The following BBX variants were observed in gnomAD, a reference collection of about 807,000 sequenced individuals.
The protein encoded by BBX is BBX high mobility group box domain containing.
BBX carries 30 observed loss-of-function variants against 100.2 expected under a neutral mutation model. That is an observed-to-expected ratio of 0.30 (90% CI 0.22 to 0.41). The LOEUF is 0.41. Ranked by LOEUF, BBX falls within the 10% of genes least tolerant of loss-of-function variation. The pLI is 1.00. For missense variants in BBX, 1,023 were observed against 1,129.8 expected (o/e 0.91, Z 1.35); for synonymous variants, 376 against 388.1 (o/e 0.97, Z 0.37).
Position 107,544,529 on chromosome 3 carries a change from G to T in BBX, c.-84+18131G>T, listed in dbSNP as rs2049074275. Among the ~76,000 whole-genome samples the T allele has an allele frequency of 3.3e-5, 5 of 152,052 alleles. 1 individual carries two copies. The South Asian group carries it at 1.0e-3, about 32-fold the overall frequency. On this transcript the variant is annotated intron_variant, in intron 2 of 17. Coordinates refer to ENST00000325805, the MANE Select transcript of BBX (RefSeq NM_001142568.3). ...AACCTGTACATATTATATATTTATT[G>T]AATGTAAAATGCTAGTTATTTGTAA...
intron 2 of BBX, among the ~76,000 whole-genome samples, chr3:107,614,916 A>C (rs1385774603): frequency 6.6e-6 from 1 of 152,280 alleles, no homozygotes; most frequent in Admixed American, 6.5e-5. Flanking sequence ...GGAGTTTAGA[A>C]ATGAATGTGA....
chr3:107,798,078 A>G (rs2069939911), intron 15 of BBX, among the ~76,000 whole-genome samples: 1 of 152,230 alleles, frequency 6.6e-6, no homozygotes, highest in Non-Finnish European at 1.5e-5. Context: ...TGTCCCAACC[A>G]TAAATATAAA....
chr3:107,726,055 A>G (rs2107479517), intron 5 of BBX, among the ~76,000 whole-genome samples: 1 of 152,040 alleles, frequency 6.6e-6, no homozygotes, highest in Non-Finnish European at 1.5e-5. Context: ...AGGCCTTTTC[A>G]GTCCTGTAAT....
chr3:107,768,598 A>C (rs2066589504), intron 10 of BBX, among the ~76,000 whole-genome samples: 1 of 152,190 alleles, frequency 6.6e-6, no homozygotes, highest in Admixed American at 6.5e-5. Context: ...AAACTTAATA[A>C]GAAAAAATGG....
chr3:107,642,984 G>A (rs1402248913), intron 2 of BBX, among the ~76,000 whole-genome samples: 1 of 152,176 alleles, frequency 6.6e-6, no homozygotes, highest in Non-Finnish European at 1.5e-5. Context: ...ATATTCTTCT[G>A]TGTAAGTGGG....
intron 13 of BBX, among the ~76,000 whole-genome samples, chr3:107,782,307 A>AT (rs11393802): frequency 0.11 from 16,131 of 152,198 alleles, 1,065 homozygotes; most frequent in Middle Eastern, 0.16. Flanking sequence ...AAATTATTGC[A>AT]TAGGAATATA....
At chr3:107,692,325 C>G (rs1032582812) in intron 3 of BBX, among the ~76,000 whole-genome samples, 6 of 152,058 alleles carry the variant, frequency 3.9e-5, no homozygotes, top group Non-Finnish European at 7.4e-5. Flanking sequence ...ACGTATACCT[C>G]TCAATGCTAT....
chr3:107,719,518 C>G (rs890051684), intron 5 of BBX, among the ~76,000 whole-genome samples: 1 of 151,976 alleles, frequency 6.6e-6, no homozygotes, highest in Non-Finnish European at 1.5e-5. Context: ...AGACAAAGCA[C>G]CTGTTCTGGG....
At chr3:107,614,012 C>A (rs1203088789) in intron 2 of BBX, among the ~76,000 whole-genome samples, 2 of 123,410 alleles carry the variant, frequency 1.6e-5, no homozygotes, top group Non-Finnish European at 3.1e-5. Context: ...AGTGCAGTGG[C>A]GCAATCTCGG....
intron 5 of BBX, among the ~76,000 whole-genome samples, chr3:107,728,542 T>C (rs2063113453): frequency 6.6e-6 from 1 of 152,172 alleles, no homozygotes; most frequent in Non-Finnish European, 1.5e-5. Context: ...TAACACAAAG[T>C]ATACAGCTTC....
At chr3:107,789,690 C>T (rs995984704) in intron 13 of BBX, 97 bp from the exon 14 acceptor site, 22 of 856,326 alleles carry the variant, frequency 2.6e-5, no homozygotes, top group Non-Finnish European at 3.8e-5. Context: ...TTTGCTTATT[C>T]CACAGGAGGG....
At chr3:107,737,298 TAC>T (rs201660279) in intron 7 of BBX, among the ~76,000 whole-genome samples, 2,547 of 62,962 alleles carry the variant, frequency 0.04, 71 homozygotes, top group African/African-American at 0.13. Flanking sequence ...CATGCATACA[TAC>T]ACACAGAGAG....
chr3:107,642,092 C>G (rs934093145), intron 2 of BBX, among the ~76,000 whole-genome samples: 7 of 151,986 alleles, frequency 4.6e-5, no homozygotes, highest in Non-Finnish European at 8.8e-5. Context: ...ATTAATTGGC[C>G]AAAATTGCAT....
At chr3:107,641,852 A>G (rs1039820782) in intron 2 of BBX, 4 of 152,230 alleles carry the variant, frequency 2.6e-5, no homozygotes, top group African/African-American at 7.2e-5. Flanking sequence ...CTTCAACTGT[A>G]AAAGACAGAC....
At chr3:107,552,531 C>G (rs1214309952) in intron 2 of BBX, among the ~76,000 whole-genome samples, 1 of 151,914 alleles carries the variant, frequency 6.6e-6, no homozygotes, top group East Asian at 1.9e-4. Context: ...AAATAGGTAC[C>G]CCCACGAGCT....
intron 2 of BBX, among the ~76,000 whole-genome samples, chr3:107,543,873 A>G (rs1242429488): frequency 6.6e-6 from 1 of 152,214 alleles, no homozygotes; most frequent in Non-Finnish European, 1.5e-5. Context: ...TTAGTTGTGA[A>G]AGGGTCATTT....
At chr3:107,695,035 G>T (rs1184785331) in intron 3 of BBX, among the ~76,000 whole-genome samples, 1 of 149,340 alleles carries the variant, frequency 6.7e-6, no homozygotes, top group Non-Finnish European at 1.5e-5. Flanking sequence ...TGGGATCGGT[G>T]GTGATATCCC....
intron 2 of BBX, among the ~76,000 whole-genome samples, chr3:107,623,227 G>T (rs1436144782): frequency 6.6e-6 from 1 of 152,158 alleles, no homozygotes; most frequent in African/African-American, 2.4e-5. Context: ...GCAGTGGGAT[G>T]ATAAAGAGGA....
intron 3 of BBX, among the ~76,000 whole-genome samples, chr3:107,666,272 C>A (rs970974511): frequency 2.0e-5 from 3 of 152,178 alleles, no homozygotes; most frequent in African/African-American, 7.2e-5. Context: ...TAACAAAGGT[C>A]AGGTATAGAC....
Sources: allele counts gnomAD v4.1 joint callset (sites outside exome capture counted in the v4.1 genomes callset), GRCh38; gene constraint gnomAD v4.1.1; transcripts MANE v1.5; gene names NCBI Gene and HGNC (gene_info 2026-07-23, HGNC 2026-07-21).